Variants in HERC1 observed in about 807,000 individuals in gnomAD.
The protein encoded by HERC1 is probable E3 ubiquitin-protein ligase HERC1.
In HERC1, 160 loss-of-function variants were observed where a neutral mutation model predicts 554.3. The observed-to-expected ratio is 0.29, with a 90% CI of 0.25 to 0.33. HERC1 has a LOEUF of 0.33. Ranked by LOEUF, HERC1 falls within the 10% of genes least tolerant of loss-of-function variation. The pLI is 1.00. For missense variants in HERC1, 4,919 were observed against 5,918.5 expected (o/e 0.83, Z 5.54); for synonymous variants, 2,175 against 2,131.7 (o/e 1.02, Z -0.56).
chr15:63,643,545 T>A lies in HERC1; in HGVS notation c.11190A>T (p.Gly3730=). 1 of 1,582,946 alleles carries A rather than the reference T, an allele frequency of 6.3e-7. No individual in the cohort carries two copies. The highest frequency in any genetic ancestry group is 8.6e-7 in the Non-Finnish European group (1 of 1,163,784). The stretch of plus-strand genomic sequence containing the variant: ...ACTTGGCTCCTGATGATTTCCTATA[T>A]CCATCCTGAAATTCATTATTTTTAA... ...WWEQESNCQD[G]YRKSSGAKCV... is the part of the protein sequence containing the mutation. The change falls in exon 58 of 78, where the codon GGA becomes GGT. Residue 3730 remains glycine, a synonymous_variant. Transcript: ENST00000443617.
rs1362654668 is a variant in HERC1, at chr15:63,648,185, T to A, written c.10762A>T (p.Ile3588Phe). Residue 3588 changes from isoleucine to phenylalanine, a missense_variant, in exon 55 of 78, where the codon ATT becomes TTT. Around this residue, in one of 11 missense-constraint regions of HERC1, gnomAD observed 1,963 missense variants for 2,228.6 expected, o/e 0.88. Transcript: ENST00000443617. Reference sequence around the variant, plus strand: ...GGTCTGTCTTCACTGAACCATGCAATGCAAGTAACAGACACTAACATGATC... The same window carrying A: ...GGTCTGTCTTCACTGAACCATGCAAAGCAAGTAACAGACACTAACATGATC... ...CYRKDVSVTC[I>F]AWFSEDRPFA... 1.2e-6 allele frequency: 2 copies of A among 1,604,450 alleles called. No homozygotes were observed. Among genetic ancestry groups the A allele is most frequent in the Admixed American group, 1.7e-5 (1 of 58,904 alleles).
chr15:63,714,640 C>A (rs917135928), intron 22 of HERC1, among the ~76,000 whole-genome samples: 4 of 150,928 alleles, frequency 2.7e-5, no homozygotes, highest in Non-Finnish European at 5.9e-5. Flanking sequence ...ACCTCCACCC[C>A]CAGGTTCAAG....
At chr15:63,614,740 G>C (rs778612196) in intron 76 of HERC1, among the ~76,000 whole-genome samples, 2 of 152,162 alleles carry the variant, frequency 1.3e-5, no homozygotes, top group Non-Finnish European at 2.9e-5. Flanking sequence ...CCATATTTAT[G>C]ACCACATGAG....
At chr15:63,731,527 C>T (rs1194021369) in intron 14 of HERC1, among the ~76,000 whole-genome samples, 1 of 152,116 alleles carries the variant, frequency 6.6e-6, no homozygotes, top group African/African-American at 2.4e-5. Context: ...GCTATATACA[C>T]AATATTGTTC....
chr15:63,639,284 A>T (rs1034769981), intron 61 of HERC1, among the ~76,000 whole-genome samples: 1 of 152,338 alleles, frequency 6.6e-6, no homozygotes, highest in East Asian at 1.9e-4. Context: ...TATTTTTATT[A>T]TATCTTCTAT....
At chr15:63,698,304 G>A (rs1366656190) in intron 26 of HERC1, among the ~76,000 whole-genome samples, 1 of 151,652 alleles carries the variant, frequency 6.6e-6, no homozygotes, top group African/African-American at 2.4e-5. Flanking sequence ...TATAATCTCT[G>A]CTACTCTGGA....
At chr15:63,706,610 T>G (rs2073018255) in intron 25 of HERC1, among the ~76,000 whole-genome samples, 170 bp downstream of exon 25, 1 of 152,150 alleles carries the variant, frequency 6.6e-6, no homozygotes, top group Admixed American at 6.6e-5. Flanking sequence ...TCGTTTTAAC[T>G]CTTCTGATAA....
chr15:63,633,358 T>C (rs894636749), intron 67 of HERC1, among the ~76,000 whole-genome samples: 1 of 152,218 alleles, frequency 6.6e-6, no homozygotes, highest in African/African-American at 2.4e-5. Context: ...GAAGGACTTC[T>C]GTAGAGTCAA....
chr15:63,824,211 T>C (rs958437886), intron 1 of HERC1, among the ~76,000 whole-genome samples: 4 of 152,136 alleles, frequency 2.6e-5, no homozygotes, highest in Non-Finnish European at 4.4e-5. Flanking sequence ...GGAACCGCCA[T>C]TATGGAAAAC....
At chr15:63,693,393 G>A (rs550901078) in intron 30 of HERC1, among the ~76,000 whole-genome samples, 17 of 151,976 alleles carry the variant, frequency 1.1e-4, no homozygotes, top group African/African-American at 3.6e-4. Flanking sequence ...ACAGGCATGC[G>A]TCACCATGCC....
rs113023760 is a variant in HERC1, at chr15:63,712,058, A to C, written c.4584+717T>G. ...TTTTATATAAATTAGCATCTTATTT[A>C]TCTTTACCCTAAATGCCTGCAGTCC... On this transcript the variant is annotated intron_variant, in intron 24 of 77. Transcript: ENST00000443617. Among the ~76,000 whole-genome samples, 5 of 152,342 alleles carry C rather than the reference A, an allele frequency of 3.3e-5. 1 individual carries two copies. The South Asian group carries it at 1.0e-3, about 32-fold the overall frequency.
At position 63,665,826 on chromosome 15, in the gene HERC1, A is replaced by C; in HGVS notation, c.8555+93T>G. ...ATATAACTATATTTATCAACTTTAC[A>C]TACAATTAGAAGCATTTATGACGGG... is the stretch of plus-strand genomic sequence containing the variant. On this transcript the variant is annotated intron_variant, in intron 42 of 77. Transcript: ENST00000443617. 3 of 882,508 alleles carry C rather than the reference A, an allele frequency of 3.4e-6. No homozygotes were observed. In the South Asian group the frequency reaches 5.3e-5, roughly 16 times the overall value. 54.7% of individuals were successfully genotyped at this position (882,508 alleles called of 1,614,324 possible). A position where few individuals can be genotyped will look rare whatever the true frequency, so the allele number is the denominator to read the frequency against.
intron 21 of HERC1, among the ~76,000 whole-genome samples, chr15:63,717,473 T>A (rs2073608530): frequency 6.6e-6 from 1 of 152,266 alleles, no homozygotes; most frequent in South Asian, 2.1e-4. Context: ...CTTGCATTTA[T>A]AATTTTACGA....
chr15:63,714,518 C>T (rs1167040310), intron 22 of HERC1, among the ~76,000 whole-genome samples: 1 of 147,808 alleles, frequency 6.8e-6, no homozygotes, highest in Non-Finnish European at 1.5e-5. Context: ...GGAGCGAAGA[C>T]AGTATTCTTC....
At chr15:63,653,300 G>A (rs1000175881) in intron 51 of HERC1, among the ~76,000 whole-genome samples, 9 of 152,002 alleles carry the variant, frequency 5.9e-5, no homozygotes, top group Admixed American at 4.6e-4. Flanking sequence ...AAAATTAGCC[G>A]AGTGTGGTGG....
chr15:63,699,112 G>A, intron 25 of HERC1, 116 bp from the exon 26 acceptor site: 1 of 870,220 alleles, frequency 1.1e-6, no homozygotes, highest in Non-Finnish European at 1.8e-6. Flanking sequence ...GGATACTCAT[G>A]TTTGAATACG....
At chr15:63,625,449 T>C (rs888346518) in intron 71 of HERC1, among the ~76,000 whole-genome samples, 1 of 152,008 alleles carries the variant, frequency 6.6e-6, no homozygotes, top group Non-Finnish European at 1.5e-5. Context: ...TCTCAGCACT[T>C]TGGGAGGTGG....
Position 63,775,280 on chromosome 15 carries a change from T to C in HERC1, c.344A>G (p.Tyr115Cys). Residue 115 changes from tyrosine to cysteine, a missense_variant, in exon 2 of 78, where the codon TAT (tyrosine) becomes TGT (cysteine). Coordinates refer to ENST00000443617, the MANE Select transcript of HERC1 (RefSeq NM_003922.4). The surrounding 1 kb of genome is among the most constrained non-coding windows in gnomAD (Gnocchi z 4.0). ...GTCATGGTATTTATTAGAAAGTGCATAAAAGACACGCTGGAGTACAAGCAG... is the reference window on the plus strand; with the variant it reads ...GTCATGGTATTTATTAGAAAGTGCACAAAAGACACGCTGGAGTACAAGCAG... Reference protein sequence around the residue: ...KRLLVLQRVFYALSNKYHDKG... With the variant: ...KRLLVLQRVFCALSNKYHDKG... 3.1e-6 allele frequency: 5 copies of C among 1,613,996 alleles called. No homozygotes were observed. Among genetic ancestry groups the C allele is most frequent in the South Asian group, 1.1e-5 (1 of 91,082 alleles).
rs1037740225 is a variant in HERC1 at position 63,645,725 on chromosome 15, C to T, written c.10879-43G>A. 4 of 1,139,138 alleles carry T rather than the reference C, an allele frequency of 3.5e-6. No individual in the cohort carries two copies. In the African/African-American group the frequency reaches 6.3e-5, roughly 18 times the overall value. 70.6% of individuals were successfully genotyped at this position (1,139,138 alleles called of 1,614,324 possible). ...AGAAAAAAAATCAGAGTAATGTTTC[C>T]TTCACAAATACTTTAAATTCAGTAA... On this transcript the variant is annotated intron_variant, in intron 55 of 77. Transcript: ENST00000443617.
Sources: gnomAD v4.1 joint callset for allele counts (sites outside exome capture counted in the v4.1 genomes callset) on GRCh38, gnomAD v4.1.1 for gene constraint, gnomAD v4.1.1 regional missense constraint, Gnocchi (gnomAD v3.1) non-coding constraint, MANE v1.5 for transcripts, NCBI Gene and HGNC (gene_info 2026-07-23, HGNC 2026-07-21) for gene names.